Variants in RBCK1 observed in about 807,000 individuals in gnomAD.
RBCK1 encodes the protein RANBP2-type and C3HC4-type zinc finger containing 1.
RBCK1 carries 44 observed loss-of-function variants against 71.1 expected under a neutral mutation model. The ratio of observed to expected loss-of-function variants is 0.62; its 90% CI spans 0.49 to 0.80. RBCK1 has a LOEUF of 0.80. Ranked by LOEUF, RBCK1 falls within the 30% of genes least tolerant of loss-of-function variation. The probability of loss-of-function intolerance (pLI) is 0.00; values close to 1 mark genes in which losing one functional copy is unlikely to be tolerated. For missense variants in RBCK1, 569 were observed against 685.0 expected (o/e 0.83, Z 1.89); for synonymous variants, 306 against 279.7 (o/e 1.09, Z -0.94).
rs562806967 is a variant in RBCK1, at chr20:428,288, C to T, written c.1210-203C>T. On this transcript the variant is annotated intron_variant, in intron 9 of 11. Transcript: ENST00000356286. The surrounding 1 kb of genome is among the most constrained non-coding windows in gnomAD (Gnocchi z 5.7). Reference sequence around the variant, plus strand: ...AGGCTGAGGTATATTTTGCTGTTAGCATATGTGATGACCTTGACTTCACCT... The same window carrying T: ...AGGCTGAGGTATATTTTGCTGTTAGTATATGTGATGACCTTGACTTCACCT... Among the ~76,000 whole-genome samples the T allele has an allele frequency of 6.6e-6, 1 of 152,318 alleles. No individual in the cohort carries two copies. The highest frequency in any genetic ancestry group is 2.1e-4 in the South Asian group (1 of 4,826).
At chr20:426,307 A>AT (rs60590164) in intron 8 of RBCK1, among the ~76,000 whole-genome samples, 19,912 of 152,000 alleles carry the variant, frequency 0.13, 2,396 homozygotes, top group African/African-American at 0.33. Context: ...GTCTTACTCT[A>AT]TTTTTTTGTA....
chr20:408,894 T>A, intron 1 of RBCK1, 115 bp downstream of exon 1: 1 of 1,207,410 alleles, frequency 8.3e-7, no homozygotes, highest in Non-Finnish European at 1.2e-6. Context: ...CTGCCCTCCC[T>A]CTACCCTCCT....
At chr20:415,826 T>C (rs1350633300) in intron 2 of RBCK1, among the ~76,000 whole-genome samples, 1 of 152,164 alleles carries the variant, frequency 6.6e-6, no homozygotes, top group African/African-American at 2.4e-5. Context: ...CAGTGAACTT[T>C]TACTGAAGCG....
chr20:411,126 C>T (rs1200649993), intron 2 of RBCK1, among the ~76,000 whole-genome samples: 3 of 152,128 alleles, frequency 2.0e-5, no homozygotes, highest in African/African-American at 7.2e-5. Context: ...TTGAATCATG[C>T]AATATGTGGC....
chr20:418,619 C>A (rs548013102), intron 4 of RBCK1, among the ~76,000 whole-genome samples: 1 of 152,192 alleles, frequency 6.6e-6, no homozygotes, highest in African/African-American at 2.4e-5. Context: ...CCGCCCGCCT[C>A]GGCCTCCCAA....
chr20:411,104 A>T (rs2015678880), intron 2 of RBCK1, among the ~76,000 whole-genome samples: 2 of 152,148 alleles, frequency 1.3e-5, no homozygotes, highest in Admixed American at 6.5e-5. Flanking sequence ...CCTTCTGGAA[A>T]TTCCATATAA....
intron 2 of RBCK1, among the ~76,000 whole-genome samples, chr20:414,469 G>A (rs566093412): frequency 6.6e-6 from 1 of 152,322 alleles, no homozygotes; most frequent in Non-Finnish European, 1.5e-5. Flanking sequence ...TTTATAGTAT[G>A]TAAGTTAAAA....
chr20:425,163 G>A (rs186976163), intron 8 of RBCK1, among the ~76,000 whole-genome samples: 2,387 of 151,960 alleles, frequency 0.016, 21 homozygotes, highest in Middle Eastern at 0.027. Context: ...GGCGCACACC[G>A]CCATGCCCAG....
At position 417,136 on chromosome 20, in the gene RBCK1, G is replaced by A. The variant is rs1486172063; in HGVS notation, c.168-390G>A. On this transcript the variant is annotated intron_variant, in intron 2 of 11. Coordinates refer to ENST00000356286, the MANE Select transcript of RBCK1 (RefSeq NM_031229.4). The surrounding 1 kb of genome is among the most constrained non-coding windows in gnomAD (Gnocchi z 4.7). ...AGTACCTGTCTGATGGGTTGGTTGA[G>A]AGGATTAAATGAGTTAATACACATG... 6.4e-6 allele frequency: 3 copies of A among 469,452 alleles called. No homozygotes were observed. The highest frequency in any genetic ancestry group is 8.8e-6 in the Non-Finnish European group (2 of 226,230). The allele number at this position is 469,452 out of a possible 1,614,324, so 29.1% of individuals were successfully genotyped here.
Position 422,016 on chromosome 20 carries a change from C to T in RBCK1, c.918-111C>T, listed in dbSNP as rs1055219673. On this transcript the variant is annotated intron_variant, in intron 7 of 11. Transcript: ENST00000356286. This position sits in a 1 kb window ranked among gnomAD's most constrained non-coding sequence, Gnocchi z 5.0. ...GAAGGAGATATTGAGGAGAAGTCCACCTGGGGTGACTGAGTGAGGCCCCTG... is the reference window on the plus strand; with the variant it reads ...GAAGGAGATATTGAGGAGAAGTCCATCTGGGGTGACTGAGTGAGGCCCCTG... The T allele has an allele frequency of 4.0e-6, 3 of 749,264 alleles. No individual in the cohort carries two copies. The highest frequency in any genetic ancestry group is 6.7e-6 in the Non-Finnish European group (3 of 448,292). 46.4% of individuals were successfully genotyped at this position (749,264 alleles called of 1,614,324 possible). A position where few individuals can be genotyped will look rare whatever the true frequency, so the allele number is the denominator to read the frequency against.
chr20:408,785 C>CA lies in RBCK1; in HGVS notation c.22+7dup, dbSNP rs1487466482. The CA allele has an allele frequency of 1.2e-6, 2 of 1,610,386 alleles. No individual in the cohort carries two copies. The highest frequency in any genetic ancestry group is 1.3e-5 in the African/African-American group (1 of 74,800). On this transcript the variant is annotated splice_region_variant and intron_variant, in intron 1 of 11. Coordinates refer to ENST00000356286, the MANE Select transcript of RBCK1 (RefSeq NM_031229.4). ...GGACGAGAAGACCAAGAAAGGTGGGCACAGGCTGGAGGTGGCTGGGGAACT... is the reference window on the plus strand; with the variant it reads ...GGACGAGAAGACCAAGAAAGGTGGGCAACAGGCTGGAGGTGGCTGGGGAACT...
At position 429,081 on chromosome 20, in the gene RBCK1, G is replaced by A. The variant is rs1293160518; in HGVS notation, c.1439G>A (p.Arg480His). 3 of 1,612,600 alleles carry A rather than the reference G, an allele frequency of 1.9e-6. No individual in the cohort carries two copies. The highest frequency in any genetic ancestry group is 1.3e-5 in the African/African-American group (1 of 75,004). Residue 480 changes from arginine to histidine, a missense_variant, in exon 11 of 12, where the codon CGC becomes CAC. Transcript: ENST00000356286. ...ATCTGCTGGGTCACCAAGGGCCCACGCTGGGGCCCTGGGGTGAGTCTTTGC... is the reference window on the plus strand; with the variant it reads ...ATCTGCTGGGTCACCAAGGGCCCACACTGGGGCCCTGGGGTGAGTCTTTGC... ...TEICWVTKGP[R>H]WGPGGPGDTS...
rs573249266 is a variant in RBCK1 at position 426,654 on chromosome 20, T to A, written c.1030-659T>A. On this transcript the variant is annotated intron_variant, in intron 8 of 11. Transcript: ENST00000356286. ...ATTATTTATGTTCTTTTCTTTATTG[T>A]GAGAAAATAGACATAACATTTACCA... Among the ~76,000 whole-genome samples, 4 of 152,258 alleles carry A rather than the reference T, an allele frequency of 2.6e-5. No homozygotes were observed. In the South Asian group the frequency reaches 8.3e-4, roughly 32 times the overall value.
Position 418,592 on chromosome 20 carries a change from T to A in RBCK1, c.460+662T>A, listed in dbSNP as rs996655313. ...ACCGTGTTAGCCAGGATGGTCTCGATCTCCTGACTTTGTGATCCGCCCGCC... is the reference window on the plus strand; with the variant it reads ...ACCGTGTTAGCCAGGATGGTCTCGAACTCCTGACTTTGTGATCCGCCCGCC... On this transcript the variant is annotated intron_variant, in intron 4 of 11. Transcript: ENST00000356286. 3.3e-5 allele frequency among the ~76,000 whole-genome samples: 5 copies of A among 152,098 alleles called. No individual in the cohort carries two copies. In the South Asian group the frequency reaches 8.3e-4, roughly 25 times the overall value.
intron 1 of RBCK1, 128 bp downstream of exon 1, chr20:408,907 C>T: frequency 9.0e-7 from 1 of 1,115,402 alleles, no homozygotes. Context: ...ACCCTCCTCC[C>T]CATCAGTTTC....
At chr20:412,721 C>T (rs977195174) in intron 2 of RBCK1, among the ~76,000 whole-genome samples, 1 of 152,190 alleles carries the variant, frequency 6.6e-6, no homozygotes, top group Non-Finnish European at 1.5e-5. Flanking sequence ...CAAAAATTTT[C>T]TCTCATTCTG....
At chr20:418,995 G>A (rs1488265544) in intron 4 of RBCK1, among the ~76,000 whole-genome samples, 2 of 152,086 alleles carry the variant, frequency 1.3e-5, no homozygotes, top group South Asian at 2.1e-4. Context: ...TTTTTTTGGC[G>A]GGGGTTGGGG....
intron 4 of RBCK1, among the ~76,000 whole-genome samples, chr20:418,594 T>G (rs778815783): frequency 6.6e-6 from 1 of 152,118 alleles, no homozygotes; most frequent in African/African-American, 2.4e-5. Context: ...GGTCTCGATC[T>G]CCTGACTTTG....
intron 4 of RBCK1, among the ~76,000 whole-genome samples, chr20:418,437 C>T (rs549865974): frequency 1.8e-4 from 27 of 152,076 alleles, no homozygotes; most frequent in Middle Eastern, 3.4e-3. Context: ...GGCACAATCT[C>T]GGCTCACTGC....
Sources: allele counts gnomAD v4.1 joint callset (sites outside exome capture counted in the v4.1 genomes callset), GRCh38; gene constraint gnomAD v4.1.1; non-coding constraint Gnocchi (gnomAD v3.1); transcripts MANE v1.5; gene names NCBI Gene and HGNC (gene_info 2026-07-23, HGNC 2026-07-21).